FMN2: variants seen among roughly 807,000 people sequenced by gnomAD.
FMN2 encodes formin 2, also known as formin-2.
A neutral mutation model predicts 142.3 loss-of-function variants in FMN2; 51 were observed. That is an observed-to-expected ratio of 0.36 (90% CI 0.29 to 0.45). FMN2 has a LOEUF of 0.45. Ranked by LOEUF, FMN2 falls within the 20% of genes least tolerant of loss-of-function variation. FMN2 has a pLI of 1.00. For missense variants in FMN2, 1,936 were observed against 2,122.8 expected (o/e 0.91, Z 1.73); for synonymous variants, 882 against 869.8 (o/e 1.01, Z -0.25).
intron 6 of FMN2, among the ~76,000 whole-genome samples, chr1:240,232,924 C>G (rs1667576062): frequency 1.3e-5 from 2 of 152,132 alleles, no homozygotes; most frequent in Admixed American, 6.5e-5. Flanking sequence ...CTGTTTTGCT[C>G]AGATATTTAT....
intron 14 of FMN2, among the ~76,000 whole-genome samples, chr1:240,383,414 CAAG>C (rs779242621): frequency 6.6e-6 from 1 of 152,098 alleles, no homozygotes; most frequent in Non-Finnish European, 1.5e-5. Context: ...AACAACTCAA[CAAG>C]AAGAAGACAA....
rs372075640 is a variant in FMN2, at chr1:240,329,333, C to T, written c.4308-6C>T. On this transcript the variant is annotated splice_polypyrimidine_tract_variant and splice_region_variant and intron_variant, in intron 9 of 17. Transcript: ENST00000319653. ...TTTTCTTCTTAACTTGGCTTTATTT[C>T]CTTAGGTTCCTTTATGAACTGTCAC... is the stretch of plus-strand genomic sequence containing the variant. 8 of 1,608,792 alleles carry T rather than the reference C, an allele frequency of 5.0e-6. 1 individual carries two copies. The African/African-American group carries it at 1.1e-4, about 22-fold the overall frequency.
intron 15 of FMN2, among the ~76,000 whole-genome samples, chr1:240,428,233 C>CTT (rs112012945): frequency 7.7e-5 from 11 of 143,166 alleles, no homozygotes; most frequent in African/African-American, 2.3e-4. Flanking sequence ...AACATTTCGC[C>CTT]TTTTTTTTTT....
chr1:240,295,577 A>C (rs7519286), intron 8 of FMN2, among the ~76,000 whole-genome samples: 1 of 151,958 alleles, frequency 6.6e-6, no homozygotes, highest in Admixed American at 6.6e-5. Context: ...TTCATCCATG[A>C]TGTTGCAAAT....
intron 4 of FMN2, among the ~76,000 whole-genome samples, chr1:240,191,955 C>T (rs1016868652): frequency 1.3e-5 from 2 of 152,116 alleles, no homozygotes; most frequent in African/African-American, 2.4e-5. Flanking sequence ...TCAATAGTCA[C>T]ATCTATTACA....
chr1:240,404,846 A>G (rs769422934), intron 15 of FMN2, among the ~76,000 whole-genome samples: 12 of 152,218 alleles, frequency 7.9e-5, no homozygotes, highest in Non-Finnish European at 1.5e-4. Context: ...TTTGTTTGTT[A>G]GCGTTAGCGC....
intron 2 of FMN2, among the ~76,000 whole-genome samples, chr1:240,154,462 G>A (rs1310887935): frequency 6.6e-6 from 1 of 152,164 alleles, no homozygotes; most frequent in East Asian, 1.9e-4. Context: ...GGTTGGCTGT[G>A]AAAGATCCTG....
chr1:240,263,919 C>A (rs1006826890), intron 7 of FMN2, among the ~76,000 whole-genome samples: 1 of 152,050 alleles, frequency 6.6e-6, no homozygotes, highest in Non-Finnish European at 1.5e-5. Context: ...TACCTCCTTG[C>A]TGAAATTTCT....
At chr1:240,170,443 A>G (rs566658049) in intron 2 of FMN2, 28 of 1,333,068 alleles carry the variant, frequency 2.1e-5, no homozygotes, top group Admixed American at 6.7e-5. Flanking sequence ...CTGTCATCCC[A>G]TTTTACATCC....
At chr1:240,260,991 G>C (rs4659952) in intron 7 of FMN2, among the ~76,000 whole-genome samples, 98,631 of 152,032 alleles carry the variant, frequency 0.65, 32,770 homozygotes, top group East Asian at 0.85. Context: ...TATCCCAGCA[G>C]CATTTGTTGA....
At chr1:240,393,043 G>A (rs557382561) in intron 15 of FMN2, among the ~76,000 whole-genome samples, 2 of 151,996 alleles carry the variant, frequency 1.3e-5, no homozygotes, top group East Asian at 1.9e-4. Flanking sequence ...TCTTCTTCTC[G>A]CATCTCTCTA....
At chr1:240,277,369 G>T (rs913931638) in intron 7 of FMN2, among the ~76,000 whole-genome samples, 1 of 150,072 alleles carries the variant, frequency 6.7e-6, no homozygotes, top group African/African-American at 2.5e-5. Flanking sequence ...AGACCAGCAG[G>T]TCTAAACTCT....
At chr1:240,271,078 C>G (rs1184505053) in intron 7 of FMN2, among the ~76,000 whole-genome samples, 1 of 125,228 alleles carries the variant, frequency 8.0e-6, no homozygotes, top group East Asian at 2.4e-4. Context: ...CTTTGACCCC[C>G]CTAGGAACTT....
At position 240,145,287 on chromosome 1, in the gene FMN2, C is replaced by T. The variant is rs941865106; in HGVS notation, c.1782+21942C>T. 2.8e-5 allele frequency: 39 copies of T among 1,416,292 alleles called. No individual in the cohort carries two copies. In the Admixed American group the frequency reaches 5.0e-4, roughly 18 times the overall value. The allele number at this position is 1,416,292 out of a possible 1,614,324, so 87.7% of individuals were successfully genotyped here. A position where few individuals can be genotyped will look rare whatever the true frequency, so the allele number is the denominator to read the frequency against. On this transcript the variant is annotated intron_variant, in intron 2 of 17. Transcript: ENST00000319653. ...TCCCCGGCATCCCGCCGCTCCTTGCCGCTTGGCTTCTCATCCATGCCGCTG... is the reference window on the plus strand; with the variant it reads ...TCCCCGGCATCCCGCCGCTCCTTGCTGCTTGGCTTCTCATCCATGCCGCTG...
Position 240,092,286 on chromosome 1 carries a change from G to A in FMN2, c.177G>A (p.Gly59=), listed in dbSNP as rs756756480. 6.3e-7 allele frequency: 1 copy of A among 1,585,580 alleles called. No homozygotes were observed. Among genetic ancestry groups the A allele is most frequent in the Non-Finnish European group, 8.6e-7 (1 of 1,164,052 alleles). ...GGGGAGGGGGCGGCGGCGGCGGCGG[G>A]GAGTCGGGCAAGAAGAAGAGCAAGT... ...GKGGGGGGGG[G]ESGKKKSKSD... Residue 59 remains glycine (G), a synonymous_variant, in exon 1 of 18, where the codon GGG becomes GGA. Coordinates refer to ENST00000319653, the MANE Select transcript of FMN2 (RefSeq NM_020066.5).
chr1:240,144,879 C>T (rs777213430), intron 2 of FMN2: 2 of 1,431,760 alleles, frequency 1.4e-6, no homozygotes, highest in Admixed American at 1.7e-5. Context: ...TCCTTAGCCA[C>T]TTCTCCTGCC....
chr1:240,223,440 A>T (rs1253711040), intron 6 of FMN2, among the ~76,000 whole-genome samples: 1 of 152,030 alleles, frequency 6.6e-6, no homozygotes, highest in Non-Finnish European at 1.5e-5. Context: ...TTGGCCTGAA[A>T]TTTTTTTGTT....
intron 15 of FMN2, among the ~76,000 whole-genome samples, chr1:240,406,070 G>T (rs1674172702): frequency 7.3e-6 from 1 of 136,974 alleles, no homozygotes; most frequent in Admixed American, 7.1e-5. Flanking sequence ...ATCAGCCTCA[G>T]GAGTGGGGGG....
chr1:240,290,370 G>C (rs562785396), intron 7 of FMN2, among the ~76,000 whole-genome samples: 1 of 152,252 alleles, frequency 6.6e-6, no homozygotes, highest in African/African-American at 2.4e-5. Flanking sequence ...AGGAGTTCAT[G>C]ATGAGAATAG....
Sources: gnomAD v4.1 joint callset for allele counts (sites outside exome capture counted in the v4.1 genomes callset) on GRCh38, gnomAD v4.1.1 for gene constraint, MANE v1.5 for transcripts, NCBI Gene and HGNC (gene_info 2026-07-23, HGNC 2026-07-21) for gene names.